Variants in TRIP12 observed in about 807,000 individuals in gnomAD.
TRIP12 encodes the protein E3 ubiquitin-protein ligase TRIP12.
A neutral mutation model predicts 244.2 loss-of-function variants in TRIP12; 25 were observed. That is an observed-to-expected ratio of 0.10 (90% CI 0.07 to 0.14). The LOEUF (loss-of-function observed/expected upper bound fraction) is 0.14. TRIP12 is among the 10% of genes least tolerant of loss of function. The pLI is 1.00. For synonymous variants in TRIP12, 905 were observed against 873.1 expected (o/e 1.04, Z -0.64); for missense variants, 1,677 against 2,486.4 (o/e 0.67, Z 6.92).
chr2:229,819,764 G>A (rs1052626485), intron 8 of TRIP12, among the ~76,000 whole-genome samples: 4 of 152,112 alleles, frequency 2.6e-5, no homozygotes, highest in African/African-American at 9.7e-5. Flanking sequence ...GTGTAGAAAT[G>A]GGATATATGT....
At chr2:229,877,796 T>A (rs1290627213) in intron 2 of TRIP12, among the ~76,000 whole-genome samples, 1 of 152,228 alleles carries the variant, frequency 6.6e-6, no homozygotes, top group East Asian at 1.9e-4. Flanking sequence ...ATGTCAATAG[T>A]AACCAATGTC....
chr2:229,902,519 C>T (rs1035920705), intron 1 of TRIP12, among the ~76,000 whole-genome samples: 1 of 152,184 alleles, frequency 6.6e-6, no homozygotes. Context: ...GCTGCAGATA[C>T]CTCAAACTAT....
At position 229,795,193 on chromosome 2, in the gene TRIP12, A is replaced by G. The variant is rs778263852; in HGVS notation, c.3954T>C (p.Asn1318=). Residue 1318 remains asparagine, a synonymous_variant, in exon 26 of 42, where the codon AAT becomes AAC. Transcript: ENST00000675903. Reference sequence around the variant, plus strand: ...ATGGTCCTTACCTGCCTCCTGTCCCATTTCCACTAGGGAAATCATGTACTT... The same window carrying G: ...ATGGTCCTTACCTGCCTCCTGTCCCGTTTCCACTAGGGAAATCATGTACTT... ...PVKVHDFPSG[N]GTGGSFSLNR... 3 of 1,613,866 alleles carry G rather than the reference A, an allele frequency of 1.9e-6. No individual in the cohort carries two copies. Among genetic ancestry groups the G allele is most frequent in the East Asian group, 2.2e-5 (1 of 44,872 alleles).
At chr2:229,819,182 G>C (rs369770922) in intron 8 of TRIP12, among the ~76,000 whole-genome samples, 1 of 151,652 alleles carries the variant, frequency 6.6e-6, no homozygotes, top group East Asian at 1.9e-4. Flanking sequence ...TCCAACAATT[G>C]AAAAATGTGA....
intron 6 of TRIP12, among the ~76,000 whole-genome samples, chr2:229,831,747 A>G (rs1405872281): frequency 6.6e-6 from 1 of 152,130 alleles, no homozygotes; most frequent in East Asian, 1.9e-4. Context: ...CAACAATGAC[A>G]AAAAAACAGT....
At chr2:229,901,323 C>A (rs1178326908) in intron 1 of TRIP12, among the ~76,000 whole-genome samples, 1 of 151,800 alleles carries the variant, frequency 6.6e-6, no homozygotes, top group Admixed American at 6.6e-5. Context: ...TTTGGCCAGG[C>A]GCAGTGGCTC....
chr2:229,811,139 C>A lies in TRIP12; in HGVS notation c.2052G>T (p.Glu684Asp). ...FARLVDNFQH[E>D]ENLLQQVASK... The stretch of plus-strand genomic sequence containing the variant: ...CTACCAAAGACTAAACACTTACCTC[C>A]TCATGCTGGAAGTTGTCCACTAGGC... The change falls in exon 14 of 42, where the codon GAG becomes GAT. Residue 684 changes from glutamate to aspartate, a missense_variant. Glu to Asp is a conservative substitution (Grantham distance 45). Coordinates refer to ENST00000675903, the MANE Select transcript of TRIP12 (RefSeq NM_001348323.3). 6.2e-7 allele frequency: 1 copy of A among 1,614,044 alleles called. No homozygotes were observed. Among genetic ancestry groups the A allele is most frequent in the Non-Finnish European group, 8.5e-7 (1 of 1,179,986 alleles).
At chr2:229,808,199 C>A (rs1346030844) in intron 16 of TRIP12, 53 bp downstream of exon 16, 4 of 1,331,502 alleles carry the variant, frequency 3.0e-6, no homozygotes, top group East Asian at 2.3e-5. Context: ...AACTCCTGAC[C>A]TCGTGATTCA....
chr2:229,775,387 A>G (rs1251539509), intron 37 of TRIP12, among the ~76,000 whole-genome samples: 1 of 105,950 alleles, frequency 9.4e-6, no homozygotes, highest in Middle Eastern at 3.9e-3. Flanking sequence ...ACAAAGATTT[A>G]AAAAAAAAAA....
At chr2:229,798,743 A>G in intron 23 of TRIP12, 132 bp downstream of exon 23, 1 of 1,004,710 alleles carries the variant, frequency 1.0e-6, no homozygotes, top group Non-Finnish European at 1.4e-6. Context: ...TAATTCTTGA[A>G]CTATGCTTTT....
chr2:229,815,220 T>C (rs1160330875), intron 10 of TRIP12, 26 bp from the exon 11 acceptor site: 1 of 1,594,696 alleles, frequency 6.3e-7, no homozygotes, highest in Non-Finnish European at 8.6e-7. Flanking sequence ...TTTTAATGAG[T>C]AAAAACTCAA....
intron 1 of TRIP12, among the ~76,000 whole-genome samples, chr2:229,901,829 C>G (rs1006366038): frequency 5.3e-5 from 8 of 152,076 alleles, no homozygotes; most frequent in Non-Finnish European, 8.8e-5. Context: ...GTAGAGACTA[C>G]AGACAGAAGA....
chr2:229,793,280 G>T (rs2041992252), intron 26 of TRIP12, 135 bp from the exon 27 acceptor site: 4 of 845,030 alleles, frequency 4.7e-6, no homozygotes, highest in Non-Finnish European at 6.8e-6. Context: ...TACCAGTTCT[G>T]TGAATGGTAA....
Position 229,776,491 on chromosome 2 carries a change from G to A in TRIP12, c.5529+824C>T, listed in dbSNP as rs542292604. 4.6e-5 allele frequency among the ~76,000 whole-genome samples: 7 copies of A among 152,208 alleles called. No homozygotes were observed. In the South Asian group the frequency reaches 1.5e-3, roughly 32 times the overall value. ...ACCAAATAATTACAAATTAGTATGGGAGATAAAGTGAATCTTACAAATCTT... is the reference window on the plus strand; with the variant it reads ...ACCAAATAATTACAAATTAGTATGGAAGATAAAGTGAATCTTACAAATCTT... On this transcript the variant is annotated intron_variant, in intron 37 of 41. Coordinates refer to ENST00000675903, the MANE Select transcript of TRIP12 (RefSeq NM_001348323.3).
At chr2:229,816,863 A>T (rs1353389291) in intron 9 of TRIP12, among the ~76,000 whole-genome samples, 1 of 152,252 alleles carries the variant, frequency 6.6e-6, no homozygotes, top group East Asian at 1.9e-4. Context: ...CTATTGAACA[A>T]ATCAGCAAAC....
chr2:229,822,526 A>G (rs1049582123), intron 8 of TRIP12, among the ~76,000 whole-genome samples: 1 of 152,146 alleles, frequency 6.6e-6, no homozygotes, highest in African/African-American at 2.4e-5. Flanking sequence ...CAAAATTACA[A>G]CTCTGGTTAA....
At chr2:229,820,546 T>C (rs931565699) in intron 8 of TRIP12, among the ~76,000 whole-genome samples, 3 of 152,204 alleles carry the variant, frequency 2.0e-5, no homozygotes, top group Admixed American at 2.0e-4. Context: ...TTTTAAAATA[T>C]GTTAATTGAA....
chr2:229,814,991 T>A, intron 11 of TRIP12, 108 bp downstream of exon 11: 1 of 823,814 alleles, frequency 1.2e-6, no homozygotes, highest in African/African-American at 1.7e-5. Context: ...AAAACATTTC[T>A]CGGGCTAAAA....
chr2:229,815,408 T>C (rs1019478379), intron 9 of TRIP12, 100 bp from the exon 10 acceptor site: 3 of 702,532 alleles, frequency 4.3e-6, no homozygotes, highest in African/African-American at 1.8e-5. Context: ...AATGGAAGTA[T>C]TATTCCTAAC....
Sources: gnomAD v4.1 joint callset for allele counts (sites outside exome capture counted in the v4.1 genomes callset) on GRCh38, gnomAD v4.1.1 for gene constraint, MANE v1.5 for transcripts, NCBI Gene and HGNC (gene_info 2026-07-23, HGNC 2026-07-21) for gene names.